The following EPHA3 variants were observed in gnomAD, a reference collection of about 807,000 sequenced individuals.
The protein encoded by EPHA3 is EPH receptor A3, also known as ephrin type-A receptor 3.
Under a neutral mutation model 107.1 loss-of-function variants are expected in EPHA3, and 42 were observed. That is an observed-to-expected ratio of 0.39 (90% CI 0.31 to 0.51). EPHA3 has a LOEUF of 0.51. Among genes scored for constraint, EPHA3 ranks in the 20% least tolerant of loss-of-function variants. The pLI is 0.78. For synonymous variants in EPHA3, 461 were observed against 424.8 expected (o/e 1.09, Z -1.05); for missense variants, 1,183 against 1,211.2 (o/e 0.98, Z 0.35).
rs1306290913 is a variant in EPHA3, at chr3:89,481,952, T to C, written c.*2450T>C. 4.4e-6 allele frequency: 1 copy of C among 226,204 alleles called. No individual in the cohort carries two copies. Among genetic ancestry groups the C allele is most frequent in the African/African-American group, 2.2e-5 (1 of 44,956 alleles). The allele number at this position is 226,204 out of a possible 1,614,324, so 14.0% of individuals were successfully genotyped here. A position where few individuals can be genotyped will look rare whatever the true frequency, so the allele number is the denominator to read the frequency against. ...CAGTTTATGCTGTGCTAAATATCAA[T>C]CAAGCCATGTATAAATGTGATATGA... On this transcript the variant is annotated 3_prime_UTR_variant, in exon 17 of 17. Transcript: ENST00000336596.
In EPHA3 at chr3:89,255,854, T is replaced by C. The variant is rs1157246520; in HGVS notation, c.814+45334T>C. On this transcript the variant is annotated intron_variant, in intron 3 of 16. Coordinates refer to ENST00000336596, the MANE Select transcript of EPHA3 (RefSeq NM_005233.6). ...AGATGGAGGATGCAGTGAGCCAAGA[T>C]CGTACCACTGCACTCCAGCCTGGGT... Among the ~76,000 whole-genome samples the C allele has an allele frequency of 2.6e-5, 4 of 151,702 alleles. No individual in the cohort carries two copies. In the East Asian group the frequency reaches 7.8e-4, roughly 29 times the overall value.
chr3:89,302,556 A>C (rs1428243762), intron 3 of EPHA3, among the ~76,000 whole-genome samples: 1 of 152,132 alleles, frequency 6.6e-6, no homozygotes, highest in East Asian at 1.9e-4. Flanking sequence ...AAAGTGGTGA[A>C]AGATATTGTA....
chr3:89,408,031 C>G, intron 8 of EPHA3, 36 bp from the exon 9 acceptor site: 1 of 1,590,130 alleles, frequency 6.3e-7, no homozygotes, highest in East Asian at 2.2e-5. Flanking sequence ...TAAATATATT[C>G]CTCTTATGTG....
rs552513310 is a variant in EPHA3 at position 89,290,112 on chromosome 3, T to C, written c.815-50804T>C. Among the ~76,000 whole-genome samples the C allele has an allele frequency of 1.3e-4, 20 of 152,250 alleles. No homozygotes were observed. In the South Asian group the frequency reaches 3.9e-3, roughly 30 times the overall value. ...AGCTTCTTGTTGGACGGTTCTTCTG[T>C]TGTGGTTCTAAGAGTTCCTTTCTGG... On this transcript the variant is annotated intron_variant, in intron 3 of 16. Coordinates refer to ENST00000336596, the MANE Select transcript of EPHA3 (RefSeq NM_005233.6).
intron 3 of EPHA3, among the ~76,000 whole-genome samples, chr3:89,267,024 T>C (rs1705553626): frequency 6.6e-6 from 1 of 152,080 alleles, no homozygotes; most frequent in African/African-American, 2.4e-5. Flanking sequence ...CTACCACTTC[T>C]CATATTATGC....
rs10575384 is a variant in EPHA3 at position 89,339,370 on chromosome 3, C to CAA, written c.815-1527_815-1526dup. ...TAGGTGACAGAGTGAGACTCCATCTCAAAAAAAAAAAAAAAAAAAAGAAAG... is the reference window on the plus strand; with the variant it reads ...TAGGTGACAGAGTGAGACTCCATCTCAAAAAAAAAAAAAAAAAAAAAAGAAAG... On this transcript the variant is annotated intron_variant, in intron 3 of 16. Coordinates refer to ENST00000336596, the MANE Select transcript of EPHA3 (RefSeq NM_005233.6). Among the ~76,000 whole-genome samples, 356 of 106,330 alleles carry CAA rather than the reference C, an allele frequency of 3.3e-3. 2 individuals are homozygous for CAA. The highest frequency in any genetic ancestry group is 0.024 in the South Asian group (72 of 2,972). The allele number at this position is 106,330 out of a possible 152,430, so 69.8% of individuals were successfully genotyped here. A position where few individuals can be genotyped will look rare whatever the true frequency, so the allele number is the denominator to read the frequency against.
chr3:89,272,888 G>T (rs1705710371), intron 3 of EPHA3, among the ~76,000 whole-genome samples: 2 of 151,860 alleles, frequency 1.3e-5, no homozygotes, highest in African/African-American at 4.8e-5. Context: ...TAGAATTAAT[G>T]TTCTCTGATG....
intron 3 of EPHA3, among the ~76,000 whole-genome samples, chr3:89,246,751 G>T (rs1364317661): frequency 6.6e-6 from 1 of 152,166 alleles, no homozygotes; most frequent in African/African-American, 2.4e-5. Flanking sequence ...GTTGTTGTAA[G>T]AAGAATTCCA....
intron 11 of EPHA3, among the ~76,000 whole-genome samples, chr3:89,428,553 T>A (rs1218903570): frequency 6.6e-6 from 1 of 152,098 alleles, no homozygotes; most frequent in Non-Finnish European, 1.5e-5. Context: ...AAACAAATTT[T>A]GTAAATAATT....
At chr3:89,424,047 A>C (rs1372161483) in intron 11 of EPHA3, among the ~76,000 whole-genome samples, 2 of 151,430 alleles carry the variant, frequency 1.3e-5, no homozygotes, top group African/African-American at 4.8e-5. Flanking sequence ...TATCACCTCT[A>C]AATGCCGAGG....
At chr3:89,200,522 A>G (rs1353530151) in intron 2 of EPHA3, among the ~76,000 whole-genome samples, 1 of 151,968 alleles carries the variant, frequency 6.6e-6, no homozygotes, top group Non-Finnish European at 1.5e-5. Context: ...TCTCTTTTTT[A>G]TTCTTTATTG....
At chr3:89,126,659 T>G (rs1408890527) in intron 1 of EPHA3, among the ~76,000 whole-genome samples, 1 of 151,654 alleles carries the variant, frequency 6.6e-6, no homozygotes, top group East Asian at 1.9e-4. Context: ...GTTAAGCTTT[T>G]TGTGTGTTAC....
intron 3 of EPHA3, among the ~76,000 whole-genome samples, chr3:89,274,608 G>A (rs992094426): frequency 2.6e-5 from 4 of 151,876 alleles, no homozygotes; most frequent in Non-Finnish European, 4.4e-5. Context: ...AAGAGATATC[G>A]GTTGTATCAT....
At chr3:89,139,428 C>CTAG (rs1359590364) in intron 2 of EPHA3, among the ~76,000 whole-genome samples, 3 of 151,734 alleles carry the variant, frequency 2.0e-5, no homozygotes, top group Non-Finnish European at 4.4e-5. Context: ...GATGGATGTA[C>CTAG]TAGGTAGCCA....
chr3:89,338,735 G>T (rs1191569151), intron 3 of EPHA3, among the ~76,000 whole-genome samples: 1 of 152,124 alleles, frequency 6.6e-6, no homozygotes, highest in East Asian at 1.9e-4. Context: ...TTTTAGTAGG[G>T]ACGGGGTTTC....
intron 15 of EPHA3, among the ~76,000 whole-genome samples, chr3:89,466,442 T>C (rs1236090029): frequency 5.4e-4 from 63 of 116,490 alleles, no homozygotes; most frequent in Non-Finnish European, 5.0e-4. Flanking sequence ...CGTTGCCGCC[T>C]TGCAGTTTGA....
intron 3 of EPHA3, among the ~76,000 whole-genome samples, chr3:89,303,967 CA>C (rs1350032832): frequency 6.6e-6 from 1 of 152,058 alleles, no homozygotes; most frequent in East Asian, 1.9e-4. Context: ...GGTTTTGAAC[CA>C]GACTTACTTT....
At chr3:89,370,100 G>T (rs543649114) in intron 5 of EPHA3, among the ~76,000 whole-genome samples, 1,659 of 150,656 alleles carry the variant, frequency 0.011, 55 homozygotes, top group African/African-American at 0.038. Context: ...TCAGTGTGGC[G>T]ATTCCTCAGG....
At chr3:89,220,064 G>A (rs140854555) in intron 3 of EPHA3, among the ~76,000 whole-genome samples, 1 of 152,202 alleles carries the variant, frequency 6.6e-6, no homozygotes, top group East Asian at 1.9e-4. Flanking sequence ...GGCACCTCCT[G>A]TTTAGATGCC....
Sources: gnomAD v4.1 joint callset for allele counts (sites outside exome capture counted in the v4.1 genomes callset) on GRCh38, gnomAD v4.1.1 for gene constraint, MANE v1.5 for transcripts, NCBI Gene and HGNC (gene_info 2026-07-23, HGNC 2026-07-21) for gene names.